NIPSNAP3B: variants seen among roughly 807,000 people sequenced by gnomAD.
NIPSNAP3B encodes protein NipSnap homolog 3B.
In NIPSNAP3B, 30 loss-of-function variants were observed where a neutral mutation model predicts 31.5. The observed-to-expected ratio is 0.95, with a 90% CI of 0.71 to 1.29. The LOEUF (loss-of-function observed/expected upper bound fraction) is 1.29. Among genes scored for constraint, NIPSNAP3B ranks in the 50% most tolerant of loss-of-function variants. The pLI is 0.00. For missense variants in NIPSNAP3B, 269 were observed against 300.7 expected (o/e 0.89, Z 0.78); for synonymous variants, 106 against 107.9 (o/e 0.98, Z 0.11).
chr9:104,789,694 A>G, the NIPSNAP3B span, among the ~76,000 whole-genome samples: 1 of 152,214 alleles, frequency 6.6e-6, no homozygotes, highest in African/African-American at 2.4e-5. Context: ...ACATGTGTCT[A>G]CATGTCTGTG....
At chr9:104,769,614 AC>A (rs1828167957) in intron 3 of NIPSNAP3B, among the ~76,000 whole-genome samples, 1 of 152,232 alleles carries the variant, frequency 6.6e-6, no homozygotes, top group African/African-American at 2.4e-5. Context: ...CATGGTCAAT[AC>A]AGGTGAAAAA....
At chr9:104,768,091 G>A (rs745479385) in intron 2 of NIPSNAP3B, among the ~76,000 whole-genome samples, 4 of 152,008 alleles carry the variant, frequency 2.6e-5, no homozygotes, top group Admixed American at 2.6e-4. Flanking sequence ...TATTTCACTT[G>A]TATTTTTAAA....
intron 3 of NIPSNAP3B, among the ~76,000 whole-genome samples, chr9:104,770,392 A>T (rs1450328665): frequency 2.0e-5 from 3 of 152,184 alleles, no homozygotes; most frequent in Non-Finnish European, 4.4e-5. Flanking sequence ...CTACCGGAGA[A>T]AATTATACAA....
At chr9:104,788,694 T>C in the NIPSNAP3B span, 1 of 1,227,250 alleles carries the variant, frequency 8.1e-7, no homozygotes, top group Non-Finnish European at 1.2e-6. Flanking sequence ...TGCTGCTACT[T>C]GAAAGCACAG....
intron 4 of NIPSNAP3B, among the ~76,000 whole-genome samples, chr9:104,771,966 C>T (rs769420179): frequency 7.9e-5 from 12 of 152,156 alleles, no homozygotes; most frequent in Admixed American, 2.6e-4. Flanking sequence ...TATTTGCATT[C>T]TCTAATGATC....
Position 104,770,859 on chromosome 9 carries a change from A to G in NIPSNAP3B, c.441A>G (p.Glu147=). ...LEKPPKEGVY[E]LAVFQMKPGG... ...TTCTCCCTATTCTAGGAGTCTATGA[A>G]CTAGCTGTTTTTCAGATGAAACCTG... Residue 147 remains glutamate (E), a synonymous_variant, in exon 4 of 6, where the codon GAA becomes GAG. Transcript: ENST00000374762. 1 of 1,613,750 alleles carries G rather than the reference A, an allele frequency of 6.2e-7. No individual in the cohort carries two copies.
intron 3 of NIPSNAP3B, 41 bp downstream of exon 3, chr9:104,769,062 A>C (rs775928203): frequency 1.3e-6 from 2 of 1,499,388 alleles, no homozygotes; most frequent in Admixed American, 4.0e-5. Flanking sequence ...TAATGAGTAA[A>C]ATACTAAAGA....
At chr9:104,790,374 G>C in the NIPSNAP3B span, among the ~76,000 whole-genome samples, 2 of 152,012 alleles carry the variant, frequency 1.3e-5, no homozygotes, top group Non-Finnish European at 2.9e-5. Context: ...ACATTTATAA[G>C]GAATTTATTA....
At chr9:104,782,950 G>C in the NIPSNAP3B span, 2 of 152,386 alleles carry the variant, frequency 1.3e-5, no homozygotes, top group African/African-American at 4.8e-5. Flanking sequence ...ACATGGCACA[G>C]GAAGTGTACT....
chr9:104,788,599 A>G, the NIPSNAP3B span: 1 of 1,613,316 alleles, frequency 6.2e-7, no homozygotes, highest in Non-Finnish European at 8.5e-7. Context: ...CTTAGATTTT[A>G]AGCAGGTAGA....
At chr9:104,771,273 C>A (rs948666679) in intron 4 of NIPSNAP3B, 4 of 280,910 alleles carry the variant, frequency 1.4e-5, no homozygotes, top group Non-Finnish European at 2.7e-5. Context: ...CTTAGGTAAA[C>A]CCATGTCATG....
the NIPSNAP3B span, among the ~76,000 whole-genome samples, chr9:104,788,233 C>T: frequency 6.6e-6 from 1 of 152,196 alleles, no homozygotes; most frequent in Non-Finnish European, 1.5e-5. Context: ...GCAGCACTCC[C>T]TCTCTGCCCA....
chr9:104,765,764 C>G (rs1420358852), intron 1 of NIPSNAP3B, among the ~76,000 whole-genome samples: 1 of 152,158 alleles, frequency 6.6e-6, no homozygotes, highest in Non-Finnish European at 1.5e-5. Context: ...TAGTTACATT[C>G]CAGTCCTGTT....
chr9:104,764,179 G>C lies in NIPSNAP3B; in HGVS notation c.-62G>C. 1 of 1,479,342 alleles carries C rather than the reference G, an allele frequency of 6.8e-7. No homozygotes were observed. The highest frequency in any genetic ancestry group is 9.2e-7 in the Non-Finnish European group (1 of 1,083,416). 91.6% of individuals were successfully genotyped at this position (1,479,342 alleles called of 1,614,324 possible). A position where few individuals can be genotyped will look rare whatever the true frequency, so the allele number is the denominator to read the frequency against. Reference sequence around the variant, plus strand: ...GGAGCCGCTTTTTTCCACTCGGGAAGACTTCAGAGAAGTCTCACAAAGGAC... The same window carrying C: ...GGAGCCGCTTTTTTCCACTCGGGAACACTTCAGAGAAGTCTCACAAAGGAC... On this transcript the variant is annotated 5_prime_UTR_variant, in exon 1 of 6. Transcript: ENST00000374762.
chr9:104,764,335 G>C, intron 1 of NIPSNAP3B, 35 bp downstream of exon 1: 2 of 1,493,846 alleles, frequency 1.3e-6, no homozygotes, highest in Non-Finnish European at 1.8e-6. Flanking sequence ...AGCCCTGGCC[G>C]GAGGGGAGGG....
downstream of NIPSNAP3B, among the ~76,000 whole-genome samples, chr9:104,779,669 C>G (rs562377475): frequency 1.3e-5 from 2 of 150,558 alleles, no homozygotes; most frequent in African/African-American, 4.9e-5. Flanking sequence ...TACAAAGTGC[C>G]AAGTTTTTTG....
At chr9:104,769,910 C>T (rs961432951) in intron 3 of NIPSNAP3B, among the ~76,000 whole-genome samples, 1 of 152,170 alleles carries the variant, frequency 6.6e-6, no homozygotes, top group African/African-American at 2.4e-5. Context: ...TCACTTCTTG[C>T]TCACTAAAGG....
downstream of NIPSNAP3B, among the ~76,000 whole-genome samples, chr9:104,779,974 C>T (rs565847153): frequency 6.6e-6 from 1 of 152,252 alleles, no homozygotes; most frequent in East Asian, 1.9e-4. Context: ...TTGCAGTGAG[C>T]CAAGATCATG....
rs1293462577 is a variant in NIPSNAP3B at position 104,773,766 on chromosome 9, T to C, written c.*693T>C. 1 of 152,192 alleles carries C rather than the reference T, an allele frequency of 6.6e-6. No homozygotes were observed. Among genetic ancestry groups the C allele is most frequent in the African/African-American group, 2.4e-5 (1 of 41,458 alleles). The allele number at this position is 152,192 out of a possible 1,614,324, so 9.4% of individuals were successfully genotyped here. ...ACTTAGTTTGGATCACTAACAGAGA[T>C]CTTGGGACATTTATTTGTTTTAAAG... On this transcript the variant is annotated 3_prime_UTR_variant, in exon 6 of 6. Transcript: ENST00000374762.
Sources: allele counts gnomAD v4.1 joint callset (sites outside exome capture counted in the v4.1 genomes callset), GRCh38; gene constraint gnomAD v4.1.1; transcripts MANE v1.5; gene names NCBI Gene and HGNC (gene_info 2026-07-23, HGNC 2026-07-21).